DLD: variants seen among roughly 807,000 people sequenced by gnomAD.
DLD encodes the protein dihydrolipoyl dehydrogenase, mitochondrial.
A neutral mutation model predicts 62.2 loss-of-function variants in DLD; 36 were observed. The ratio of observed to expected loss-of-function variants is 0.58; its 90% CI spans 0.44 to 0.76. The LOEUF (loss-of-function observed/expected upper bound fraction) is 0.76, where lower values mean the gene tolerates loss of function less well. DLD is among the 30% of genes least tolerant of loss of function. The pLI is 0.00. For synonymous variants in DLD, 204 were observed against 199.6 expected (o/e 1.02, Z -0.19); for missense variants, 541 against 608.6 (o/e 0.89, Z 1.17).
At chr7:107,895,295 T>C (rs1402961062) in intron 2 of DLD, among the ~76,000 whole-genome samples, 1 of 152,218 alleles carries the variant, frequency 6.6e-6, no homozygotes. Flanking sequence ...TGAGTTTTCT[T>C]CCTTACATGA....
chr7:107,915,220 A>T (rs2032237788), intron 8 of DLD, among the ~76,000 whole-genome samples: 1 of 152,230 alleles, frequency 6.6e-6, no homozygotes, highest in South Asian at 2.1e-4. Flanking sequence ...CTGCCAGAAT[A>T]TAAGATCCCT....
intron 8 of DLD, 29 bp downstream of exon 8, chr7:107,906,397 C>T: frequency 7.0e-7 from 1 of 1,429,180 alleles, no homozygotes; most frequent in Non-Finnish European, 9.9e-7. Flanking sequence ...CCTCTTATTA[C>T]CTCCTTGGAG....
upstream of DLD, chr7:107,891,117 G>C: frequency 8.8e-7 from 1 of 1,133,642 alleles, no homozygotes; most frequent in African/African-American, 1.5e-5. Context: ...AGAACCGCGC[G>C]GGCCAATCGC....
chr7:107,891,396 TG>T, intron 1 of DLD, 107 bp downstream of exon 1: 1 of 1,277,514 alleles, frequency 7.8e-7, no homozygotes, highest in South Asian at 1.2e-5. Context: ...GGCGGGCGCC[TG>T]GGCCGCACCA....
rs2116214188 is a variant in DLD at position 107,903,501 on chromosome 7, T to A, written c.291T>A (p.Tyr97Ter). Residue 97 changes from tyrosine (Y) to a stop codon, truncating the protein, a stop_gained, in exon 5 of 14, where the codon TAT becomes TAA. Transcript: ENST00000205402. LOFTEE classifies it high-confidence loss of function. ...AGGCTTTATTGAACAACTCTCATTA[T>A]TACCATATGGCCCATGGAAAAGATT... ...PSKALLNNSH[Y>*]YHMAHGKDFA... The A allele has an allele frequency of 6.3e-7, 1 of 1,595,114 alleles. No individual in the cohort carries two copies. The highest frequency in any genetic ancestry group is 1.1e-5 in the South Asian group (1 of 90,646).
intron 7 of DLD, 44 bp from the exon 8 acceptor site, chr7:107,906,223 G>GT: frequency 7.6e-7 from 1 of 1,312,630 alleles, no homozygotes; most frequent in Non-Finnish European, 1.1e-6. Context: ...ACTGTACTAG[G>GT]TTTTTTCAAA....
chr7:107,904,003 C>T (rs1383308259), intron 5 of DLD, among the ~76,000 whole-genome samples: 2 of 152,144 alleles, frequency 1.3e-5, no homozygotes, highest in African/African-American at 4.8e-5. Context: ...CATTTCATAA[C>T]GTATCTTGTC....
chr7:107,903,475 T>G lies in DLD; in HGVS notation c.268-3T>G. 1.9e-6 allele frequency: 3 copies of G among 1,553,776 alleles called. No individual in the cohort carries two copies. Among genetic ancestry groups the G allele is most frequent in the Non-Finnish European group, 2.7e-6 (3 of 1,125,998 alleles). ...ATAATTTGATCTTTTTAATTTCCTT[T>G]AGGCTTTATTGAACAACTCTCATTA... On this transcript the variant is annotated splice_region_variant and splice_polypyrimidine_tract_variant and intron_variant, in intron 4 of 13. Transcript: ENST00000205402.
intron 8 of DLD, among the ~76,000 whole-genome samples, chr7:107,909,839 CTTTTTTTTTTTTTT>C (rs71134292): frequency 2.7e-5 from 2 of 73,052 alleles, no homozygotes; most frequent in African/African-American, 6.5e-5. Flanking sequence ...GGAGAATTAA[CTTTTTTTTTTTTTT>C]TTTTTTTTTT....
chr7:107,897,834 C>T (rs1185924159), intron 2 of DLD, among the ~76,000 whole-genome samples: 1 of 152,074 alleles, frequency 6.6e-6, no homozygotes, highest in Admixed American at 6.5e-5. Flanking sequence ...CCGCATTGGC[C>T]TCCCAAAGTG....
intron 8 of DLD, among the ~76,000 whole-genome samples, chr7:107,910,746 A>G (rs1584468718): frequency 6.6e-6 from 1 of 152,348 alleles, no homozygotes; most frequent in East Asian, 1.9e-4. Flanking sequence ...CACTTAATGC[A>G]GTGCCTGGCA....
At chr7:107,905,111 T>A in intron 6 of DLD, 53 bp downstream of exon 6, 5 of 1,313,998 alleles carry the variant, frequency 3.8e-6, no homozygotes, top group Non-Finnish European at 5.4e-6. Context: ...AATTAAACTT[T>A]GCATTATAGA....
Position 107,902,384 on chromosome 7 carries a change from T to C in DLD, c.258T>C (p.Ile86=), listed in dbSNP as rs1409497502. Reference sequence around the variant, plus strand: ...GAACATGCTTGAATGTTGGTTGTATTCCTTCTAAGGTGAGCATGTGTTTTG... The same window carrying C: ...GAACATGCTTGAATGTTGGTTGTATCCCTTCTAAGGTGAGCATGTGTTTTG... The part of the protein sequence containing the change: ...LGGTCLNVGC[I]PSKALLNNSH... Residue 86 remains isoleucine, a synonymous_variant, in exon 4 of 14, where the codon ATT becomes ATC. Coordinates refer to ENST00000205402, the MANE Select transcript of DLD (RefSeq NM_000108.5). 6.2e-7 allele frequency: 1 copy of C among 1,613,774 alleles called. No homozygotes were observed. The highest frequency in any genetic ancestry group is 1.3e-5 in the African/African-American group (1 of 74,930).
intron 1 of DLD, 60 bp downstream of exon 1, chr7:107,891,349 G>A: frequency 1.9e-6 from 3 of 1,593,786 alleles, no homozygotes; most frequent in Non-Finnish European, 2.6e-6. Flanking sequence ...CCGCTCAGTG[G>A]GTCCGGTACG....
intron 8 of DLD, 125 bp from the exon 9 acceptor site, chr7:107,915,381 G>A (rs1202686213): frequency 8.2e-6 from 8 of 976,824 alleles, no homozygotes; most frequent in African/African-American, 4.9e-5. Context: ...TTTAAACCTC[G>A]GAGCTTCTCA....
rs1268102432 is a variant in DLD at position 107,891,221 on chromosome 7, T to C, written c.-30T>C. ...CGGAGGCGCCCAGCGGAGGTGAAAG[T>C]ATTGGCGGAAAGGAAAATACAGCGG... is the stretch of plus-strand genomic sequence containing the variant. On this transcript the variant is annotated 5_prime_UTR_variant, in exon 1 of 14. Transcript: ENST00000205402. 6.2e-7 allele frequency: 1 copy of C among 1,613,834 alleles called. No homozygotes were observed. The highest frequency in any genetic ancestry group is 1.7e-5 in the Admixed American group (1 of 60,004).
chr7:107,904,619 C>A (rs776941488), intron 5 of DLD: 44 of 443,130 alleles, frequency 9.9e-5, no homozygotes, highest in Non-Finnish European at 1.8e-4. Context: ...TTTAAAATTT[C>A]AGATGATGTT....
At chr7:107,905,638 G>T in intron 7 of DLD, 134 bp downstream of exon 7, 3 of 951,356 alleles carry the variant, frequency 3.2e-6, no homozygotes, top group Non-Finnish European at 4.9e-6. Flanking sequence ...TCAGCTTTGG[G>T]AAGTTACCTG....
At chr7:107,893,813 C>T (rs2031650842) in intron 2 of DLD, among the ~76,000 whole-genome samples, 1 of 152,094 alleles carries the variant, frequency 6.6e-6, no homozygotes, top group Non-Finnish European at 1.5e-5. Flanking sequence ...TCATGGAGTG[C>T]CTTGTAAGGC....
Sources: gnomAD v4.1 joint callset for allele counts (sites outside exome capture counted in the v4.1 genomes callset) on GRCh38, gnomAD v4.1.1 for gene constraint, MANE v1.5 for transcripts, NCBI Gene and HGNC (gene_info 2026-07-23, HGNC 2026-07-21) for gene names.